The following SGCZ variants were observed in gnomAD, a reference collection of about 807,000 sequenced individuals.
The protein encoded by SGCZ is sarcoglycan zeta.
In SGCZ, 40 loss-of-function variants were observed where a neutral mutation model predicts 41.3. That is an observed-to-expected ratio of 0.97 (90% CI 0.75 to 1.26). The LOEUF (loss-of-function observed/expected upper bound fraction) is 1.26. Among genes scored for constraint, SGCZ ranks in the 50% most tolerant of loss-of-function variants. The pLI is 0.00. For synonymous variants in SGCZ, 206 were observed against 137.5 expected, an observed-to-expected ratio of 1.50 and a Z score of -3.49; for missense variants, 552 against 369.8, an observed-to-expected ratio of 1.49 and a Z score of -4.04.
intron 1 of SGCZ, among the ~76,000 whole-genome samples, chr8:14,707,384 A>G (rs1296524829): frequency 6.6e-6 from 1 of 152,156 alleles, no homozygotes; most frequent in Admixed American, 6.5e-5. Flanking sequence ...AAAATGTTTT[A>G]GAAACAGCTG....
intron 1 of SGCZ, among the ~76,000 whole-genome samples, chr8:14,982,831 G>A (rs1057491924): frequency 1.3e-5 from 2 of 152,138 alleles, no homozygotes; most frequent in African/African-American, 4.8e-5. Flanking sequence ...TATTTGGCCC[G>A]TCCTACCACT....
intron 1 of SGCZ, chr8:14,879,447 C>T (rs1445626599): frequency 2.0e-5 from 3 of 152,068 alleles, no homozygotes; most frequent in Non-Finnish European, 4.4e-5. Flanking sequence ...ATATATATAA[C>T]TAGCCAAGCT....
At chr8:14,133,368 T>C (rs2117062462) in intron 5 of SGCZ, among the ~76,000 whole-genome samples, 1 of 152,350 alleles carries the variant, frequency 6.6e-6, no homozygotes, top group East Asian at 1.9e-4. Context: ...TTGCATTGTT[T>C]TTTGAGCAAT....
intron 2 of SGCZ, among the ~76,000 whole-genome samples, chr8:14,381,981 A>C (rs1804383770): frequency 6.6e-6 from 1 of 152,044 alleles, no homozygotes; most frequent in Non-Finnish European, 1.5e-5. Flanking sequence ...TGTTGGTCAA[A>C]TTTGTTCCAT....
chr8:14,936,536 CACCATGAAGTCAAAAA>C (rs1800090499), intron 1 of SGCZ, among the ~76,000 whole-genome samples: 2 of 151,654 alleles, frequency 1.3e-5, no homozygotes, highest in African/African-American at 4.8e-5. Context: ...ACTTTTGCAC[CACCATGAAGTCAAAAA>C]ATTTTAAGTT....
intron 1 of SGCZ, among the ~76,000 whole-genome samples, chr8:15,197,396 T>A (rs772006748): frequency 2.0e-5 from 3 of 152,194 alleles, no homozygotes; most frequent in Non-Finnish European, 2.9e-5. Flanking sequence ...CATTTCAGAA[T>A]GTGGCAGGAA....
chr8:14,102,622 G>T, intron 6 of SGCZ, 123 bp from the exon 7 acceptor site: 1 of 924,022 alleles, frequency 1.1e-6, no homozygotes, highest in Non-Finnish European at 1.4e-6. Flanking sequence ...AGACAGACAG[G>T]CATAAAGGAA....
chr8:15,079,986 C>T (rs367702514), intron 1 of SGCZ, among the ~76,000 whole-genome samples: 1 of 152,120 alleles, frequency 6.6e-6, no homozygotes, highest in South Asian at 2.1e-4. Context: ...TCCTCTCCAA[C>T]CCTTCATTTC....
At chr8:15,104,596 T>TA (rs1806746861) in intron 1 of SGCZ, among the ~76,000 whole-genome samples, 1 of 152,228 alleles carries the variant, frequency 6.6e-6, no homozygotes, top group Non-Finnish European at 1.5e-5. Flanking sequence ...CTTCCAAAAA[T>TA]GTTTATACAC....
chr8:14,946,008 A>G (rs1242513958), intron 1 of SGCZ, among the ~76,000 whole-genome samples: 2 of 6,620 alleles, frequency 3.0e-4, no homozygotes, highest in African/African-American at 7.0e-4. Flanking sequence ...ATGTCCCCAT[A>G]TATATATATA....
chr8:14,128,040 G>C (rs1238204006), intron 5 of SGCZ, among the ~76,000 whole-genome samples: 4 of 152,082 alleles, frequency 2.6e-5, no homozygotes, highest in Non-Finnish European at 4.4e-5. Flanking sequence ...TTCTGTTCCT[G>C]TGTTAGTTTG....
chr8:14,134,021 A>G (rs576855324), intron 5 of SGCZ, among the ~76,000 whole-genome samples: 32 of 152,362 alleles, frequency 2.1e-4, no homozygotes, highest in South Asian at 1.9e-3. Flanking sequence ...ATGAATATGC[A>G]TCAGAATATG....
intron 1 of SGCZ, among the ~76,000 whole-genome samples, chr8:14,971,357 G>C (rs538388840): frequency 5.2e-4 from 79 of 152,118 alleles, no homozygotes; most frequent in Non-Finnish European, 6.5e-4. Context: ...CCTCATATTA[G>C]GAGAAAAGCA....
intron 1 of SGCZ, among the ~76,000 whole-genome samples, chr8:14,874,563 A>G (rs1188642065): frequency 1.3e-5 from 2 of 152,172 alleles, no homozygotes; most frequent in Admixed American, 1.3e-4. Flanking sequence ...TTATATAGAT[A>G]AGTAAAATAT....
chr8:14,172,353 C>T (rs761798892), intron 4 of SGCZ, among the ~76,000 whole-genome samples: 19 of 152,098 alleles, frequency 1.2e-4, no homozygotes, highest in Non-Finnish European at 2.6e-4. Flanking sequence ...ACTGCCTCAC[C>T]TTTCATTTGG....
intron 1 of SGCZ, among the ~76,000 whole-genome samples, chr8:15,217,814 C>T (rs573579664): frequency 9.2e-5 from 14 of 152,136 alleles, no homozygotes; most frequent in South Asian, 2.1e-4. Context: ...TCTGGCTGTG[C>T]GTGGCATTCA....
chr8:14,512,625 A>AT (rs60292106), intron 2 of SGCZ, among the ~76,000 whole-genome samples: 13 of 150,342 alleles, frequency 8.6e-5, no homozygotes, highest in African/African-American at 2.9e-4. Context: ...ACACCTGGCT[A>AT]TTTTTTTTTT....
chr8:14,312,090 T>A (rs1360111547), intron 3 of SGCZ, among the ~76,000 whole-genome samples: 1 of 152,140 alleles, frequency 6.6e-6, no homozygotes, highest in African/African-American at 2.4e-5. Context: ...TGATGAAACA[T>A]ATCAAAGGGT....
Position 15,131,534 on chromosome 8 carries a change from C to T in SGCZ, c.39+106051G>A, listed in dbSNP as rs375573201. Among the ~76,000 whole-genome samples the T allele has an allele frequency of 1.2e-4, 19 of 152,240 alleles. No homozygotes were observed. In the East Asian group the frequency reaches 2.3e-3, roughly 19 times the overall value. ...AAGGAAGTTCCAAATATATCTTATG[C>T]GTACAATCAAATGATATTTTATTTT... On this transcript the variant is annotated intron_variant, in intron 1 of 7. Coordinates refer to ENST00000382080, the MANE Select transcript of SGCZ (RefSeq NM_139167.4).
Sources: allele counts gnomAD v4.1 joint callset (sites outside exome capture counted in the v4.1 genomes callset), GRCh38; gene constraint gnomAD v4.1.1; transcripts MANE v1.5; gene names NCBI Gene and HGNC (gene_info 2026-07-23, HGNC 2026-07-21).